The following OTUD5 variants were observed in gnomAD, a reference collection of about 807,000 sequenced individuals.
OTUD5 encodes OTU deubiquitinase 5, also known as OTU domain-containing protein 5.
OTUD5 carries 2 observed loss-of-function variants against 36.3 expected under a neutral mutation model. The ratio of observed to expected loss-of-function variants is 0.06; its 90% CI spans 0.02 to 0.17. The LOEUF is 0.17. OTUD5 is among the 10% of genes least tolerant of loss of function. OTUD5 has a pLI of 1.00. For missense variants in OTUD5, 233 were observed against 512.3 expected (o/e 0.45, Z 5.26); for synonymous variants, 234 against 214.9 (o/e 1.09, Z -0.78).
intron 2 of OTUD5, among the ~76,000 whole-genome samples, chrX:48,942,317 C>CACAT (rs1469083956): frequency 9.5e-6 from 1 of 105,391 alleles, no homozygotes; most frequent in African/African-American, 3.5e-5. Flanking sequence ...CACACACACA[C>CACAT]ACACACACAC....
intron 1 of OTUD5, among the ~76,000 whole-genome samples, chrX:48,950,798 G>A (rs781784409): frequency 1.8e-5 from 2 of 109,615 alleles, no homozygotes; most frequent in South Asian, 7.7e-4. Context: ...TCCTGACCTC[G>A]TGATCCACCC....
chrX:48,944,513 G>A (rs1316803001), intron 1 of OTUD5, among the ~76,000 whole-genome samples: 3 of 112,161 alleles, frequency 2.7e-5, no homozygotes, highest in African/African-American at 9.7e-5. Flanking sequence ...GGTGCCCTGA[G>A]AACAGTGGCC....
chrX:48,927,974 C>T (rs1557048063), intron 5 of OTUD5, among the ~76,000 whole-genome samples: 1 of 112,424 alleles, frequency 8.9e-6, no homozygotes, highest in African/African-American at 3.2e-5. Flanking sequence ...AAGTCACAAA[C>T]ACAATTCACC....
intron 2 of OTUD5, among the ~76,000 whole-genome samples, chrX:48,941,927 C>A (rs2063931118): frequency 9.0e-6 from 1 of 111,208 alleles, no homozygotes; most frequent in Admixed American, 9.6e-5. Context: ...GGGGGAGAGG[C>A]CAGAGGACTT....
chrX:48,924,059 C>G lies in OTUD5; in HGVS notation c.1264-7G>C. On this transcript the variant is annotated splice_region_variant and splice_polypyrimidine_tract_variant and intron_variant, in intron 6 of 8. Coordinates refer to ENST00000376488, the MANE Select transcript of OTUD5 (RefSeq NM_001136157.2). ...TGGCGCTGGCTTTCCGGGGCTGCAG[C>G]GGGGAAGGTAAATGCGTTAAGGACC... The G allele has an allele frequency of 8.4e-7, 1 of 1,190,176 alleles. No individual in the cohort carries two copies. The highest frequency in any genetic ancestry group is 1.7e-5 in the African/African-American group (1 of 57,393).
In OTUD5 at chrX:48,923,008, A is replaced by C. The variant is rs1461299009; in HGVS notation, c.*166T>G. 2 of 1,098,471 alleles carry C rather than the reference A, an allele frequency of 1.8e-6. No homozygotes were observed. The highest frequency in any genetic ancestry group is 1.2e-6 in the Non-Finnish European group (1 of 843,678). The allele number at this position is 1,098,471 out of a possible 1,213,427, so 90.5% of individuals were successfully genotyped here. A position where few individuals can be genotyped will look rare whatever the true frequency, so the allele number is the denominator to read the frequency against. The stretch of plus-strand genomic sequence containing the variant: ...AGGTGATAGTGGCAGCGGCAATGAG[A>C]GAGAGTGCAGGGGTGGGCTAGCCAG... On this transcript the variant is annotated 3_prime_UTR_variant, in exon 9 of 9. Transcript: ENST00000376488.
chrX:48,953,585 G>A (rs1289061181), intron 1 of OTUD5, among the ~76,000 whole-genome samples: 1 of 111,142 alleles, frequency 9.0e-6, no homozygotes, highest in African/African-American at 3.3e-5. Context: ...TGGAACCCAG[G>A]CACCAACTAC....
Position 48,944,233 on chromosome X carries a change from G to A in OTUD5, c.645C>T (p.Ile215=), listed in dbSNP as rs781921785. The A allele has an allele frequency of 1.7e-6, 2 of 1,207,224 alleles. No homozygotes were observed. Among genetic ancestry groups the A allele is most frequent in the South Asian group, 3.5e-5 (2 of 56,683 alleles). Residue 215 remains isoleucine (I), a synonymous_variant, in exon 2 of 9, where the codon ATC becomes ATT. Transcript: ENST00000376488. ...AGGCGCCATCCTCCTTCATCTGCTT[G>A]ATGATGAAGCCCTTCTTGTCTCGTA... The part of the protein sequence containing the change: ...KALRDKKGFI[I]KQMKEDGACL...
At chrX:48,948,038 T>C (rs1400199724) in intron 1 of OTUD5, among the ~76,000 whole-genome samples, 1 of 112,367 alleles carries the variant, frequency 8.9e-6, no homozygotes, top group African/African-American at 3.2e-5. Flanking sequence ...CAGGAAACAT[T>C]ACCCTCACTT....
intron 1 of OTUD5, among the ~76,000 whole-genome samples, chrX:48,948,855 C>T (rs1557053057): frequency 8.9e-6 from 1 of 111,886 alleles, no homozygotes; most frequent in Non-Finnish European, 1.9e-5. Flanking sequence ...ATCTTTGAGC[C>T]TCCACAAAAA....
chrX:48,943,586 C>T lies in OTUD5; in HGVS notation c.688+604G>A, dbSNP rs2063970195. 3.6e-5 allele frequency among the ~76,000 whole-genome samples: 4 copies of T among 111,027 alleles called. No homozygotes were observed. The Admixed American group carries it at 3.9e-4, about 11-fold the overall frequency. On this transcript the variant is annotated intron_variant, in intron 2 of 8. Coordinates refer to ENST00000376488, the MANE Select transcript of OTUD5 (RefSeq NM_001136157.2). ...ACATGAGGGTTCATCATTCTCTCTA[C>T]TTTTATATAAGTTGAAAAAAAATTC... is the stretch of plus-strand genomic sequence containing the variant.
In OTUD5 at chrX:48,923,971, G is replaced by A. The variant is rs1453808339; in HGVS notation, c.1345C>T (p.Arg449Trp). The A allele has an allele frequency of 1.7e-6, 2 of 1,207,826 alleles. No individual in the cohort carries two copies. Among genetic ancestry groups the A allele is most frequent in the African/African-American group, 1.7e-5 (1 of 57,345 alleles). ...GLEEWTSRSP[R>W]QRSSASSPEH... ...GGTGACGAGGCTGAACTCCGCTGCC[G>A]CGGGGACCGGCTAGTCCACTCCTCC... The change falls in exon 7 of 9, where the codon CGG becomes TGG. Residue 449 changes from arginine to tryptophan, a missense_variant. This residue lies in a region of OTUD5 where 57 missense variants were observed against 133.1 expected (regional missense o/e 0.43). Transcript: ENST00000376488.
At chrX:48,952,848 G>A (rs1557054232) in intron 1 of OTUD5, among the ~76,000 whole-genome samples, 1 of 112,302 alleles carries the variant, frequency 8.9e-6, no homozygotes, top group African/African-American at 3.2e-5. Context: ...AAGAGCCCAA[G>A]AAATCAGCAG....
chrX:48,957,143 C>T lies in OTUD5; in HGVS notation c.428G>A (p.Cys143Tyr). 1 of 1,162,572 alleles carries T rather than the reference C, an allele frequency of 8.6e-7. No homozygotes were observed. The highest frequency in any genetic ancestry group is 2.5e-5 in the Admixed American group (1 of 40,294). Residue 143 changes from cysteine to tyrosine, a missense_variant, in exon 1 of 9, where the codon TGC (cysteine) becomes TAC (tyrosine). Cys to Tyr is a radical substitution (Grantham distance 194, BLOSUM62 -2). Around this residue, in one of 3 missense-constraint regions of OTUD5, gnomAD observed 155 missense variants for 217.2 expected, o/e 0.71. Coordinates refer to ENST00000376488, the MANE Select transcript of OTUD5 (RefSeq NM_001136157.2). ...CCGCTTGCTGTGCCCAGGCCCGGAG[C>T]AGCAGCCGCCCACGCCTACGGCACC... ...VGGAVGVGGC[C>Y]SGPGHSKRRR... is the part of the protein sequence containing the mutation.
intron 5 of OTUD5, among the ~76,000 whole-genome samples, chrX:48,933,732 C>T (rs1045488125): frequency 5.4e-5 from 6 of 111,897 alleles, no homozygotes; most frequent in Non-Finnish European, 1.1e-4. Context: ...TGCAGTAATT[C>T]TGTAAATCTA....
intron 5 of OTUD5, among the ~76,000 whole-genome samples, chrX:48,932,606 C>T (rs1467047734): frequency 8.1e-5 from 9 of 110,544 alleles, no homozygotes; most frequent in African/African-American, 2.3e-4. Context: ...GGATTACAGG[C>T]GTGAGCCACC....
intron 1 of OTUD5, among the ~76,000 whole-genome samples, chrX:48,956,658 G>T (rs905378106): frequency 3.6e-5 from 4 of 111,046 alleles, no homozygotes; most frequent in African/African-American, 1.3e-4. Context: ...CAAGAGGGGC[G>T]CGATCCTACC....
chrX:48,942,087 G>C (rs945265407), intron 2 of OTUD5, among the ~76,000 whole-genome samples: 15 of 110,014 alleles, frequency 1.4e-4, no homozygotes, highest in Non-Finnish European at 7.6e-5. Context: ...AGGAAGGGTC[G>C]GGAGTATTTG....
At position 48,923,924 on chromosome X, in the gene OTUD5, A is replaced by G; in HGVS notation, c.1392T>C (p.Ala464=). 8.3e-7 allele frequency: 1 copy of G among 1,211,923 alleles called. No homozygotes were observed. Among genetic ancestry groups the G allele is most frequent in the Non-Finnish European group, 1.1e-6 (1 of 895,302 alleles). The change falls in exon 7 of 9, where the codon GCT becomes GCC. Residue 464 remains alanine (A), a synonymous_variant. Transcript: ENST00000376488. ...GGGAAGGGGGCTTCATGCCCAATTC[A>G]GCATGCAGCTCAGGGTGCTCAGGTG... ...ASSPEHPELH[A]ELGMKPPSPG... is the part of the protein sequence containing the mutation.
Sources: gnomAD v4.1 joint callset for allele counts (sites outside exome capture counted in the v4.1 genomes callset) on GRCh38, gnomAD v4.1.1 for gene constraint, gnomAD v4.1.1 regional missense constraint, MANE v1.5 for transcripts, NCBI Gene and HGNC (gene_info 2026-07-23, HGNC 2026-07-21) for gene names.